The following AKAP6 variants were observed in gnomAD, a reference collection of about 807,000 sequenced individuals.
The protein encoded by AKAP6 is A-kinase anchoring protein 6.
A neutral mutation model predicts 188.5 loss-of-function variants in AKAP6; 58 were observed. That is an observed-to-expected ratio of 0.31 (90% CI 0.25 to 0.38). AKAP6 has a LOEUF of 0.38. Among genes scored for constraint, AKAP6 ranks in the 10% least tolerant of loss-of-function variants. AKAP6 has a pLI of 1.00. For missense variants in AKAP6, 2,710 were observed against 2,740.0 expected (o/e 0.99, Z 0.24); for synonymous variants, 989 against 998.6 (o/e 0.99, Z 0.18).
At position 32,823,977 on chromosome 14, in the gene AKAP6, C is replaced by T; in HGVS notation, c.6164C>T (p.Ser2055Leu). 5 of 1,613,924 alleles carry T rather than the reference C, an allele frequency of 3.1e-6. No individual in the cohort carries two copies. The highest frequency in any genetic ancestry group is 3.4e-6 in the Non-Finnish European group (4 of 1,179,928). Reference sequence around the variant, plus strand: ...CATCAAAAAGATGCCGAAGATTGTTCAGTACACAACTTTGTTAAGGAAATC... The same window carrying T: ...CATCAAAAAGATGCCGAAGATTGTTTAGTACACAACTTTGTTAAGGAAATC... ...VFHQKDAEDCSVHNFVKEIID... is the reference protein window; with the variant it reads ...VFHQKDAEDCLVHNFVKEIID... Residue 2055 changes from serine to leucine, a missense_variant, in exon 13 of 14, where the codon TCA becomes TTA. Coordinates refer to ENST00000280979, the MANE Select transcript of AKAP6 (RefSeq NM_004274.5).
At position 32,821,884 on chromosome 14, in the gene AKAP6, C is replaced by A. The variant is rs753293576; in HGVS notation, c.4071C>A (p.Ser1357Arg). 3.7e-6 allele frequency: 6 copies of A among 1,613,750 alleles called. No individual in the cohort carries two copies. In the Admixed American group the frequency reaches 1.0e-4, roughly 27 times the overall value. Residue 1357 changes from serine (S) to arginine (R), a missense_variant, in exon 13 of 14, where the codon AGC becomes AGA. Transcript: ENST00000280979. ...KPCACHGGDM[S>R]QNSGSESGIV... ...GCGCATGTCATGGAGGAGACATGAG[C>A]CAGAATTCAGGCAGTGAGAGTGGAA...
chr14:32,533,078 G>A (rs2139106051), intron 2 of AKAP6, among the ~76,000 whole-genome samples: 1 of 152,328 alleles, frequency 6.6e-6, no homozygotes, highest in South Asian at 2.1e-4. Flanking sequence ...CAGTGGAATG[G>A]ATATGAAGGT....
intron 9 of AKAP6, among the ~76,000 whole-genome samples, chr14:32,701,233 G>T (rs750368369): frequency 4.6e-5 from 7 of 152,002 alleles, no homozygotes; most frequent in Non-Finnish European, 2.9e-5. Flanking sequence ...AATCAGACTG[G>T]AGAAAATATA....
In AKAP6 at chr14:32,532,898, G is replaced by T. The variant is rs924002367; in HGVS notation, c.325-2656G>T. Among the ~76,000 whole-genome samples, 5 of 152,250 alleles carry T rather than the reference G, an allele frequency of 3.3e-5. No homozygotes were observed. In the East Asian group the frequency reaches 9.7e-4, roughly 29 times the overall value. On this transcript the variant is annotated intron_variant, in intron 2 of 13. Coordinates refer to ENST00000280979, the MANE Select transcript of AKAP6 (RefSeq NM_004274.5). Reference sequence around the variant, plus strand: ...GCAGGAGGGTAGTATTTGAGGAAAGGGTCACTGGAGAAGCTGGTGGCATGG... The same window carrying T: ...GCAGGAGGGTAGTATTTGAGGAAAGTGTCACTGGAGAAGCTGGTGGCATGG...
At chr14:32,431,206 CAG>C (rs1399158638) in intron 1 of AKAP6, among the ~76,000 whole-genome samples, 1 of 151,854 alleles carries the variant, frequency 6.6e-6, no homozygotes, top group Non-Finnish European at 1.5e-5. Context: ...TTATCCCTCT[CAG>C]TGAAATTTTG....
intron 4 of AKAP6, among the ~76,000 whole-genome samples, chr14:32,551,453 T>G (rs1028555995): frequency 2.0e-5 from 3 of 150,516 alleles, no homozygotes; most frequent in African/African-American, 7.3e-5. Context: ...GCACCTGTAA[T>G]CCCAGCTATT....
chr14:32,511,061 C>T (rs1032483228), intron 2 of AKAP6, among the ~76,000 whole-genome samples: 9 of 152,172 alleles, frequency 5.9e-5, no homozygotes, highest in Admixed American at 2.0e-4. Context: ...GAGCACAAAT[C>T]CTTGATACAG....
Position 32,696,037 on chromosome 14 carries a change from T to C in AKAP6, c.2927T>C (p.Ile976Thr). 2.5e-6 allele frequency: 4 copies of C among 1,613,054 alleles called. No individual in the cohort carries two copies. The highest frequency in any genetic ancestry group is 3.4e-6 in the Non-Finnish European group (4 of 1,179,736). ...TATCAGGAGCTCTGGGATTGGCTGA[T>C]TGACATGGAGTCCCTTGTGATGGAC... ...SEYQELWDWL[I>T]DMESLVMDSH... The change falls in exon 9 of 14, where the codon ATT (isoleucine) becomes ACT (threonine). Residue 976 changes from isoleucine to threonine, a missense_variant. Transcript: ENST00000280979.
intron 2 of AKAP6, among the ~76,000 whole-genome samples, chr14:32,488,163 G>T (rs1879804876): frequency 6.6e-6 from 1 of 152,194 alleles, no homozygotes; most frequent in Admixed American, 6.5e-5. Flanking sequence ...GTCCCAGGGA[G>T]GTGGGGGTTT....
rs551304293 is a variant in AKAP6, at chr14:32,832,813, T to C, written c.*3008T>C. On this transcript the variant is annotated 3_prime_UTR_variant, in exon 14 of 14. Coordinates refer to ENST00000280979, the MANE Select transcript of AKAP6 (RefSeq NM_004274.5). ...TTTCTCATGGCAACCCTGAAGATAA[T>C]CAAGGCCAGTTACTCATCATCTCCC... 1 of 152,752 alleles carries C rather than the reference T, an allele frequency of 6.5e-6. No individual in the cohort carries two copies. The highest frequency in any genetic ancestry group is 6.5e-5 in the Admixed American group (1 of 15,286). The allele number at this position is 152,752 out of a possible 1,614,324, so 9.5% of individuals were successfully genotyped here.
At chr14:32,799,096 G>T (rs1397371822) in intron 12 of AKAP6, among the ~76,000 whole-genome samples, 1 of 152,090 alleles carries the variant, frequency 6.6e-6, no homozygotes, top group Non-Finnish European at 1.5e-5. Flanking sequence ...TTTTTGCTTA[G>T]TAAACATATG....
intron 12 of AKAP6, among the ~76,000 whole-genome samples, chr14:32,812,995 A>C: frequency 6.6e-6 from 1 of 152,136 alleles, no homozygotes; most frequent in South Asian, 2.1e-4. Flanking sequence ...CAACTTTGAC[A>C]GTGTCTATCT....
intron 2 of AKAP6, among the ~76,000 whole-genome samples, chr14:32,526,518 G>A (rs1882136280): frequency 6.6e-6 from 1 of 152,156 alleles, no homozygotes; most frequent in Non-Finnish European, 1.5e-5. Context: ...ACAGATGTGA[G>A]CCACAGTGCC....
chr14:32,775,773 A>G (rs567903190), intron 12 of AKAP6, among the ~76,000 whole-genome samples: 140 of 152,274 alleles, frequency 9.2e-4, no homozygotes, highest in African/African-American at 3.2e-3. Context: ...GCTTTGAGGC[A>G]ACCCTGGCTG....
intron 12 of AKAP6, among the ~76,000 whole-genome samples, chr14:32,776,293 G>T (rs2033059083): frequency 6.6e-6 from 1 of 152,100 alleles, no homozygotes; most frequent in African/African-American, 2.4e-5. Flanking sequence ...TCATGGGGGT[G>T]GTTTCCCCCA....
At chr14:32,754,851 T>C (rs2032272667) in intron 11 of AKAP6, among the ~76,000 whole-genome samples, 1 of 152,254 alleles carries the variant, frequency 6.6e-6, no homozygotes, top group Non-Finnish European at 1.5e-5. Context: ...GCAAAGTTTC[T>C]GCTGAAAAAT....
At chr14:32,711,332 A>G (rs1045304934) in intron 9 of AKAP6, among the ~76,000 whole-genome samples, 4 of 152,028 alleles carry the variant, frequency 2.6e-5, no homozygotes, top group Non-Finnish European at 5.9e-5. Context: ...AGTGGATCCT[A>G]TACATTTCTT....
Position 32,413,174 on chromosome 14 carries a change from AATTTTT to A in AKAP6, c.-34-20285_-34-20280del, listed in dbSNP as rs1401320165. ...GGGACAAAAAGAAAGTATTTATTGA[AATTTTT>A]TTTTTTTTTTTTTTTTTTTTAGATG... is the stretch of plus-strand genomic sequence containing the variant. On this transcript the variant is annotated intron_variant, in intron 1 of 13. Coordinates refer to ENST00000280979, the MANE Select transcript of AKAP6 (RefSeq NM_004274.5). Among the ~76,000 whole-genome samples the A allele has an allele frequency of 3.0e-4, 40 of 131,172 alleles. 1 individual carries two copies. Among genetic ancestry groups the A allele is most frequent in the Admixed American group, 5.5e-4 (7 of 12,666 alleles). The allele number at this position is 131,172 out of a possible 152,430, so 86.1% of individuals were successfully genotyped here. A position where few individuals can be genotyped will look rare whatever the true frequency, so the allele number is the denominator to read the frequency against.
chr14:32,732,564 A>G lies in AKAP6; in HGVS notation c.3111A>G (p.Lys1037=). ...GVLLPNDLLE[K]VDSINEKWEL... ...TACTACCAAATGATCTCCTTGAAAA[A>G]GTGGATTCAATTAATGAAAAATGGG... Residue 1037 remains lysine (K), a synonymous_variant, in exon 10 of 14, where the codon AAA becomes AAG. Coordinates refer to ENST00000280979, the MANE Select transcript of AKAP6 (RefSeq NM_004274.5). 4 of 1,613,674 alleles carry G rather than the reference A, an allele frequency of 2.5e-6. No individual in the cohort carries two copies. Among genetic ancestry groups the G allele is most frequent in the Non-Finnish European group, 3.4e-6 (4 of 1,179,736 alleles).
Sources: gnomAD v4.1 joint callset for allele counts (sites outside exome capture counted in the v4.1 genomes callset) on GRCh38, gnomAD v4.1.1 for gene constraint, MANE v1.5 for transcripts, NCBI Gene and HGNC (gene_info 2026-07-23, HGNC 2026-07-21) for gene names.